The following TRAPPC9 variants were observed in gnomAD, a reference collection of about 807,000 sequenced individuals.
TRAPPC9 encodes trafficking protein particle complex subunit 9, also known as IKK2 binding protein.
In TRAPPC9, 83 loss-of-function variants were observed where a neutral mutation model predicts 124.0. That is an observed-to-expected ratio of 0.67 (90% CI 0.56 to 0.80). The LOEUF is 0.80. Among genes scored for constraint, TRAPPC9 ranks in the 30% least tolerant of loss-of-function variants. TRAPPC9 has a pLI of 0.00. For missense variants in TRAPPC9, 1,302 were observed against 1,508.3 expected, an observed-to-expected ratio of 0.86 and a Z score of 2.27; for synonymous variants, 638 against 617.5, an observed-to-expected ratio of 1.03 and a Z score of -0.49.
chr8:139,924,823 T>G (rs1295046452), intron 19 of TRAPPC9, among the ~76,000 whole-genome samples: 1 of 152,218 alleles, frequency 6.6e-6, no homozygotes, highest in African/African-American at 2.4e-5. Context: ...GTGAGGGAAT[T>G]ACATCTTACT....
intron 21 of TRAPPC9, among the ~76,000 whole-genome samples, chr8:139,740,308 A>G (rs1818467355): frequency 6.6e-6 from 1 of 152,224 alleles, no homozygotes; most frequent in Non-Finnish European, 1.5e-5. Context: ...TCCCTGCTAT[A>G]GCACGTCCAG....
At chr8:140,319,756 C>G (rs1426710160) in intron 9 of TRAPPC9, among the ~76,000 whole-genome samples, 1 of 152,230 alleles carries the variant, frequency 6.6e-6, no homozygotes, top group African/African-American at 2.4e-5. Flanking sequence ...GAGTGAGCAA[C>G]TACGCCTGGC....
chr8:140,365,562 G>A lies in TRAPPC9; in HGVS notation c.1352-5369C>T, dbSNP rs184489652. Among the ~76,000 whole-genome samples, 463 of 152,284 alleles carry A rather than the reference G, an allele frequency of 3.0e-3. 2 individuals are homozygous for A. Among genetic ancestry groups the A allele is most frequent in the African/African-American group, 0.01 (432 of 41,564 alleles). On this transcript the variant is annotated intron_variant, in intron 8 of 22. Transcript: ENST00000438773. ...GAAGGTCCCTACAGGAGACAACAGC[G>A]CCCCTTCATCTGAATGCACCCAGCT...
chr8:140,383,333 G>A (rs2068664694), intron 7 of TRAPPC9, among the ~76,000 whole-genome samples: 1 of 152,228 alleles, frequency 6.6e-6, no homozygotes, highest in African/African-American at 2.4e-5. Flanking sequence ...GATGAGTTGA[G>A]AGAAGAAGGC....
At chr8:140,178,070 T>C (rs1228720918) in intron 17 of TRAPPC9, among the ~76,000 whole-genome samples, 3 of 152,180 alleles carry the variant, frequency 2.0e-5, no homozygotes, top group Non-Finnish European at 2.9e-5. Flanking sequence ...TGCATAGTAA[T>C]GTTTTCTGTG....
chr8:140,326,858 G>A (rs1277954132), intron 9 of TRAPPC9, among the ~76,000 whole-genome samples: 1 of 152,154 alleles, frequency 6.6e-6, no homozygotes, highest in East Asian at 1.9e-4. Context: ...TCCAGCCTTG[G>A]TGACAGAGCG....
At chr8:140,230,960 T>C (rs1204364915) in intron 16 of TRAPPC9, among the ~76,000 whole-genome samples, 1 of 152,154 alleles carries the variant, frequency 6.6e-6, no homozygotes, top group East Asian at 1.9e-4. Context: ...TCCCTCTGAC[T>C]GACACAGGAA....
At chr8:139,770,051 C>A (rs530636833) in intron 21 of TRAPPC9, among the ~76,000 whole-genome samples, 6 of 152,230 alleles carry the variant, frequency 3.9e-5, no homozygotes, top group African/African-American at 1.4e-4. Context: ...ACACTGACTG[C>A]GCTGGCCTGG....
At chr8:139,736,461 G>C (rs1007603815) in intron 21 of TRAPPC9, among the ~76,000 whole-genome samples, 82 of 152,278 alleles carry the variant, frequency 5.4e-4, no homozygotes, top group African/African-American at 1.8e-3. Flanking sequence ...CTACAGCTCC[G>C]GCAGCTCAGA....
At chr8:140,335,773 C>G (rs1031573478) in intron 9 of TRAPPC9, among the ~76,000 whole-genome samples, 1 of 144,244 alleles carries the variant, frequency 6.9e-6, no homozygotes, top group Admixed American at 7.2e-5. Flanking sequence ...GTGGCGTGAT[C>G]CCAGCTCACC....
chr8:139,912,389 C>T (rs1197477978), intron 19 of TRAPPC9, among the ~76,000 whole-genome samples: 1 of 151,870 alleles, frequency 6.6e-6, no homozygotes. Context: ...GAATGGTTCT[C>T]CTATTTTTTG....
chr8:140,441,439 AGTTT>A (rs1199313319), intron 2 of TRAPPC9, among the ~76,000 whole-genome samples: 1 of 152,238 alleles, frequency 6.6e-6, no homozygotes, highest in African/African-American at 2.4e-5. Flanking sequence ...ACTGTATATT[AGTTT>A]AATATATTTT....
intron 9 of TRAPPC9, among the ~76,000 whole-genome samples, chr8:140,325,383 T>C (rs1248979538): frequency 6.6e-6 from 1 of 152,100 alleles, no homozygotes; most frequent in Non-Finnish European, 1.5e-5. Context: ...AAGTCAATGG[T>C]TCTTTGAAAA....
At chr8:140,148,022 T>G (rs867412434) in intron 17 of TRAPPC9, among the ~76,000 whole-genome samples, 1 of 152,242 alleles carries the variant, frequency 6.6e-6, no homozygotes, top group Admixed American at 6.5e-5. Flanking sequence ...TGCCAGGCAC[T>G]GGCTCTGGCC....
In TRAPPC9 at chr8:140,038,791, C is replaced by T. The variant is rs552647577; in HGVS notation, c.2557-14712G>A. Among the ~76,000 whole-genome samples, 6 of 152,336 alleles carry T rather than the reference C, an allele frequency of 3.9e-5. 1 individual carries two copies. In the South Asian group the frequency reaches 1.2e-3, roughly 32 times the overall value. On this transcript the variant is annotated intron_variant, in intron 17 of 22. Coordinates refer to ENST00000438773, the MANE Select transcript of TRAPPC9 (RefSeq NM_001160372.4). ...ATATCTGCCAAGTCTGTCTAATCCA[C>T]GTGCTTAGATGGTTCCCGTCTGCAG...
intron 1 of TRAPPC9, among the ~76,000 whole-genome samples, chr8:140,457,103 G>A (rs1305439782): frequency 6.6e-6 from 1 of 152,258 alleles, no homozygotes; most frequent in Non-Finnish European, 1.5e-5. Context: ...AGGAGGGAAA[G>A]GGCTAGGGGA....
intron 21 of TRAPPC9, among the ~76,000 whole-genome samples, chr8:139,835,776 A>C (rs876744): frequency 0.25 from 38,434 of 151,308 alleles, 6,380 homozygotes; most frequent in African/African-American, 0.46. Flanking sequence ...AAAAAACAAA[A>C]AAAAAAAAAG....
intron 19 of TRAPPC9, among the ~76,000 whole-genome samples, 197 bp from the exon 20 acceptor site, chr8:139,910,497 T>C (rs1411849915): frequency 1.3e-5 from 2 of 152,192 alleles, no homozygotes; most frequent in East Asian, 1.9e-4. Context: ...CAACACACAA[T>C]TTGGAGCTGA....
chr8:140,446,699 C>T (rs1046015937), intron 2 of TRAPPC9, among the ~76,000 whole-genome samples: 1 of 152,156 alleles, frequency 6.6e-6, no homozygotes, highest in African/African-American at 2.4e-5. Context: ...GGACTACAGG[C>T]ACATGACACC....
Sources: gnomAD v4.1 joint callset for allele counts (sites outside exome capture counted in the v4.1 genomes callset) on GRCh38, gnomAD v4.1.1 for gene constraint, MANE v1.5 for transcripts, NCBI Gene and HGNC (gene_info 2026-07-23, HGNC 2026-07-21) for gene names.